The following MAP3K7CL variants were observed in gnomAD, a reference collection of about 807,000 sequenced individuals.
The protein encoded by MAP3K7CL is MAP3K7 C-terminal like.
A neutral mutation model predicts 18.6 loss-of-function variants in MAP3K7CL; 16 were observed. The ratio of observed to expected loss-of-function variants is 0.86; its 90% CI spans 0.58 to 1.31. MAP3K7CL has a LOEUF of 1.31. Among genes scored for constraint, MAP3K7CL ranks in the 50% most tolerant of loss-of-function variants. The probability of loss-of-function intolerance (pLI) is 0.00; values close to 1 mark genes in which losing one functional copy is unlikely to be tolerated. For missense variants in MAP3K7CL, 163 were observed against 174.4 expected (o/e 0.93, Z 0.37); for synonymous variants, 65 against 66.8 (o/e 0.97, Z 0.13).
chr21:29,123,145 C>T (rs1158208568), intron 4 of MAP3K7CL, among the ~76,000 whole-genome samples: 1 of 149,296 alleles, frequency 6.7e-6, no homozygotes, highest in Non-Finnish European at 1.5e-5. Flanking sequence ...TCACTGCAAC[C>T]TCTGCCTCCT....
chr21:29,093,729 G>A (rs1331459210), intron 4 of MAP3K7CL, among the ~76,000 whole-genome samples: 1 of 151,806 alleles, frequency 6.6e-6, no homozygotes, highest in Non-Finnish European at 1.5e-5. Context: ...CTGACCTTGC[G>A]ATCCACCCGC....
At chr21:29,098,674 C>A (rs1411313160) in intron 4 of MAP3K7CL, among the ~76,000 whole-genome samples, 1 of 152,172 alleles carries the variant, frequency 6.6e-6, no homozygotes, top group Non-Finnish European at 1.5e-5. Flanking sequence ...AAATAACTAG[C>A]TTGTGTTCAC....
chr21:29,150,503 T>C lies in MAP3K7CL; in HGVS notation c.132+1253T>C, dbSNP rs912658436. Among the ~76,000 whole-genome samples the C allele has an allele frequency of 3.3e-5, 5 of 152,198 alleles. No individual in the cohort carries two copies. In the East Asian group the frequency reaches 5.8e-4, roughly 18 times the overall value. ...CTGCTCAACAGAGCATTATCAGTTA[T>C]GTAGGTATTACTGAAAATTGTATAG... On this transcript the variant is annotated intron_variant, in intron 3 of 4. Transcript: ENST00000399928.
At chr21:29,150,550 TCAC>T (rs1297090318) in intron 3 of MAP3K7CL, among the ~76,000 whole-genome samples, 17 of 152,144 alleles carry the variant, frequency 1.1e-4, no homozygotes, top group Non-Finnish European at 1.8e-4. Flanking sequence ...GTTACACTGA[TCAC>T]CACACAGCTG....
In MAP3K7CL at chr21:29,131,108, G is replaced by A. The variant is rs574774595; in HGVS notation, c.-40+185G>A. The stretch of plus-strand genomic sequence containing the variant: ...TGGTGTGGAACTCAAAGTCCACTCA[G>A]TCTTGCCACCATCCTTTCATAGGCA... On this transcript the variant is annotated intron_variant, in intron 1 of 4. Coordinates refer to ENST00000399928, the MANE Select transcript of MAP3K7CL (RefSeq NM_001286620.2). The A allele has an allele frequency of 4.8e-5, 8 of 164,972 alleles. No individual in the cohort carries two copies. In the South Asian group the frequency reaches 1.4e-3, roughly 28 times the overall value. The allele number at this position is 164,972 out of a possible 1,614,324, so 10.2% of individuals were successfully genotyped here. A position where few individuals can be genotyped will look rare whatever the true frequency, so the allele number is the denominator to read the frequency against.
chr21:29,162,414 T>C (rs1268848421), intron 4 of MAP3K7CL, among the ~76,000 whole-genome samples: 1 of 151,626 alleles, frequency 6.6e-6, no homozygotes, highest in Non-Finnish European at 1.5e-5. Flanking sequence ...AGACGCAGTG[T>C]CTCACACCTG....
rs199581789 is a variant in MAP3K7CL, at chr21:29,149,508, G to A, written c.132+258G>A. Reference sequence around the variant, plus strand: ...TGGCTCCTATTTTTAAGGGGTTCTGGAGCCTGGGAAAAGGACGGGTCCCTT... The same window carrying A: ...TGGCTCCTATTTTTAAGGGGTTCTGAAGCCTGGGAAAAGGACGGGTCCCTT... On this transcript the variant is annotated intron_variant, in intron 3 of 4. Transcript: ENST00000399928. Among the ~76,000 whole-genome samples the A allele has an allele frequency of 1.6e-4, 24 of 152,310 alleles. No individual in the cohort carries two copies. The East Asian group carries it at 1.7e-3, about 11-fold the overall frequency.
chr21:29,099,479 T>C (rs1272878748), intron 4 of MAP3K7CL, among the ~76,000 whole-genome samples: 1 of 152,050 alleles, frequency 6.6e-6, no homozygotes, highest in Non-Finnish European at 1.5e-5. Flanking sequence ...GCCAGTATAA[T>C]AACAACAAAT....
At chr21:29,137,415 G>C (rs1356987635) in intron 2 of MAP3K7CL, among the ~76,000 whole-genome samples, 1 of 152,152 alleles carries the variant, frequency 6.6e-6, no homozygotes. Flanking sequence ...TTGGAGAAAA[G>C]TCTGTGTCAC....
intron 4 of MAP3K7CL, among the ~76,000 whole-genome samples, chr21:29,108,553 C>T (rs1445992177): frequency 6.6e-6 from 1 of 152,158 alleles, no homozygotes; most frequent in Non-Finnish European, 1.5e-5. Flanking sequence ...ATACATATTT[C>T]CCTGTGCTTA....
intron 4 of MAP3K7CL, among the ~76,000 whole-genome samples, chr21:29,116,629 A>G (rs1323375075): frequency 1.3e-5 from 2 of 152,196 alleles, no homozygotes; most frequent in Admixed American, 1.3e-4. Flanking sequence ...AGAGAGTACA[A>G]ACTTCTGTCT....
At position 29,162,160 on chromosome 21, in the gene MAP3K7CL, T is replaced by C. The variant is rs142000804; in HGVS notation, c.248+2104T>C. On this transcript the variant is annotated intron_variant, in intron 4 of 4. Transcript: ENST00000399928. ...ATATTGAAGTCAAAGAAGATCTATA[T>C]GACGAATAGCCTGTAAATGTATCTT... 5.2e-3 allele frequency among the ~76,000 whole-genome samples: 783 copies of C among 151,988 alleles called. 7 individuals are homozygous for C. Among genetic ancestry groups the C allele is most frequent in the African/African-American group, 0.018 (748 of 41,458 alleles).
At chr21:29,125,919 A>G (rs2832198), upstream of MAP3K7CL, among the ~76,000 whole-genome samples, 72,853 of 152,068 alleles carry the variant, frequency 0.48, 17,805 homozygotes, top group East Asian at 0.67. Context: ...TCATGAACCA[A>G]TTGGAAGAGG....
chr21:29,151,988 AT>A lies in MAP3K7CL; in HGVS notation c.132+2747del, dbSNP rs200748163. The stretch of plus-strand genomic sequence containing the variant: ...GGGTAGTTTCTGGCTCATGGTTTTG[AT>A]TTTTTTTTCCCCCTTAAAGTATGAT... On this transcript the variant is annotated intron_variant, in intron 3 of 4. Coordinates refer to ENST00000399928, the MANE Select transcript of MAP3K7CL (RefSeq NM_001286620.2). Among the ~76,000 whole-genome samples, 693 of 151,704 alleles carry A rather than the reference AT, an allele frequency of 4.6e-3. 6 individuals are homozygous for A. The highest frequency in any genetic ancestry group is 0.016 in the African/African-American group (653 of 41,340).
intron 4 of MAP3K7CL, among the ~76,000 whole-genome samples, chr21:29,168,417 G>A (rs1238797357): frequency 1.3e-5 from 2 of 152,242 alleles, no homozygotes; most frequent in Non-Finnish European, 2.9e-5. Context: ...CAAATGAGTA[G>A]AAGAGCAAAG....
At chr21:29,161,203 G>A (rs1162352285) in intron 4 of MAP3K7CL, among the ~76,000 whole-genome samples, 1 of 152,124 alleles carries the variant, frequency 6.6e-6, no homozygotes, top group Non-Finnish European at 1.5e-5. Flanking sequence ...CCAGCTACTC[G>A]GGAGGCTGAG....
intron 4 of MAP3K7CL, among the ~76,000 whole-genome samples, chr21:29,174,382 A>C (rs544794032): frequency 6.6e-6 from 1 of 152,236 alleles, no homozygotes; most frequent in East Asian, 1.9e-4. Flanking sequence ...GCAGCATCTT[A>C]AATTATGAAA....
intron 1 of MAP3K7CL, among the ~76,000 whole-genome samples, chr21:29,090,804 T>C (rs1216753527): frequency 1.3e-5 from 2 of 152,136 alleles, no homozygotes; most frequent in Non-Finnish European, 2.9e-5. Flanking sequence ...CTTCGTTTTT[T>C]TTCTTGCTCT....
chr21:29,170,698 G>T (rs2087804899), intron 4 of MAP3K7CL, among the ~76,000 whole-genome samples: 2 of 151,586 alleles, frequency 1.3e-5, no homozygotes, highest in African/African-American at 4.9e-5. Flanking sequence ...GGAGTGCAGT[G>T]ATGTGATCTC....
Sources: gnomAD v4.1 joint callset for allele counts (sites outside exome capture counted in the v4.1 genomes callset) on GRCh38, gnomAD v4.1.1 for gene constraint, MANE v1.5 for transcripts, NCBI Gene and HGNC (gene_info 2026-07-23, HGNC 2026-07-21) for gene names.